The following RYR2 variants were observed in gnomAD, a reference collection of about 807,000 sequenced individuals.
The protein encoded by RYR2 is ryanodine receptor 2, also known as cardiac muscle ryanodine receptor-calcium release channel.
In RYR2, 227 loss-of-function variants were observed where a neutral mutation model predicts 601.1. The ratio of observed to expected loss-of-function variants is 0.38; its 90% CI spans 0.34 to 0.42. The LOEUF is 0.42. Among genes scored for constraint, RYR2 ranks in the 10% least tolerant of loss-of-function variants. The pLI is 1.00. For missense variants in RYR2, 4,646 were observed against 6,156.5 expected, an observed-to-expected ratio of 0.75 and a Z score of 8.21; for synonymous variants, 2,223 against 2,175.1, an observed-to-expected ratio of 1.02 and a Z score of -0.61.
intron 1 of RYR2, among the ~76,000 whole-genome samples, chr1:237,206,259 A>G (rs568377521): frequency 2.0e-5 from 3 of 152,242 alleles, no homozygotes; most frequent in South Asian, 2.1e-4. Context: ...CAGAGCATCT[A>G]CCTGTTTGAT....
rs1438011661 is a variant in RYR2 at position 237,268,951 on chromosome 1, A to AAAAAC, written c.49-1542_49-1541insCAAAA. Among the ~76,000 whole-genome samples, 111 of 80,708 alleles carry AAAAAC rather than the reference A, an allele frequency of 1.4e-3. 11 individuals are homozygous for AAAAAC. The highest frequency in any genetic ancestry group is 0.01 in the East Asian group (42 of 4,106). The allele number at this position is 80,708 out of a possible 152,430, so 52.9% of individuals were successfully genotyped here. A position where few individuals can be genotyped will look rare whatever the true frequency, so the allele number is the denominator to read the frequency against. ...CTCTTGTCTCAAAAAAAAAAAAAAA[A>AAAAAC]AAAAAAAAAAGGAAATAAAGGCAAA... On this transcript the variant is annotated intron_variant, in intron 1 of 104. Transcript: ENST00000366574.
At chr1:237,102,253 G>A (rs1018846340) in intron 1 of RYR2, among the ~76,000 whole-genome samples, 1 of 152,226 alleles carries the variant, frequency 6.6e-6, no homozygotes, top group African/African-American at 2.4e-5. Flanking sequence ...GAGTAGATCA[G>A]TCTGCCTGGA....
Position 237,593,458 on chromosome 1 carries a change from G to A in RYR2, c.4276-18G>A, listed in dbSNP as rs779166041. On this transcript the variant is annotated intron_variant, in intron 32 of 104. Coordinates refer to ENST00000366574, the MANE Select transcript of RYR2 (RefSeq NM_001035.3). ...TTTAGTTTTACTTTGCCAATATTTG[G>A]TTCTGCTATCTTCACAGTACTATTA... 5 of 1,579,716 alleles carry A rather than the reference G, an allele frequency of 3.2e-6. No individual in the cohort carries two copies. Among genetic ancestry groups the A allele is most frequent in the Non-Finnish European group, 4.3e-6 (5 of 1,162,490 alleles).
intron 104 of RYR2, among the ~76,000 whole-genome samples, chr1:237,831,994 GGATAC>G (rs1427426327): frequency 6.6e-6 from 1 of 152,038 alleles, no homozygotes; most frequent in African/African-American, 2.4e-5. Flanking sequence ...TGAATTTGAA[GGATAC>G]GATATTTTAA....
At chr1:237,617,257 A>G (rs771899047) in intron 37 of RYR2, 29 bp from the exon 38 acceptor site, 51 of 1,560,524 alleles carry the variant, frequency 3.3e-5, no homozygotes, top group Non-Finnish European at 4.4e-5. Flanking sequence ...TTAGAAATTA[A>G]ATTTGGTGTC....
chr1:237,427,881 G>T (rs1176263829), intron 12 of RYR2, among the ~76,000 whole-genome samples: 1 of 149,252 alleles, frequency 6.7e-6, no homozygotes, highest in Non-Finnish European at 1.5e-5. Context: ...GACAAAAAAG[G>T]ATATTGCATG....
At chr1:237,146,838 AG>A (rs200622081) in intron 1 of RYR2, among the ~76,000 whole-genome samples, 3 of 149,328 alleles carry the variant, frequency 2.0e-5, no homozygotes, top group East Asian at 3.9e-4. Flanking sequence ...TTTTTAAAAA[AG>A]AGATTATAGT....
chr1:237,394,136 A>G (rs960494942), intron 10 of RYR2, among the ~76,000 whole-genome samples: 1 of 152,220 alleles, frequency 6.6e-6, no homozygotes, highest in Non-Finnish European at 1.5e-5. Context: ...TATGTAAGCA[A>G]TATCTTTCAG....
At chr1:237,616,774 G>A (rs1678516779) in intron 37 of RYR2, among the ~76,000 whole-genome samples, 1 of 152,124 alleles carries the variant, frequency 6.6e-6, no homozygotes, top group South Asian at 2.1e-4. Flanking sequence ...ATTTATAAAG[G>A]GAAAAGGTTT....
intron 1 of RYR2, among the ~76,000 whole-genome samples, chr1:237,134,398 G>A (rs1399058933): frequency 1.3e-5 from 2 of 152,174 alleles, no homozygotes; most frequent in African/African-American, 4.8e-5. Flanking sequence ...GGCTGGGGAG[G>A]CCCCACAGTC....
At chr1:237,576,821 T>C (rs1456517134) in intron 29 of RYR2, among the ~76,000 whole-genome samples, 1 of 152,180 alleles carries the variant, frequency 6.6e-6, no homozygotes, top group Non-Finnish European at 1.5e-5. Context: ...GAACAGGTAT[T>C]TCATAGAAGC....
intron 10 of RYR2, among the ~76,000 whole-genome samples, chr1:237,398,332 C>T (rs545395684): frequency 2.0e-5 from 3 of 152,198 alleles, no homozygotes; most frequent in Admixed American, 2.0e-4. Context: ...GGTAAAAAGA[C>T]AAGCTACAGA....
At chr1:237,109,815 A>G (rs1048615066) in intron 1 of RYR2, among the ~76,000 whole-genome samples, 4 of 152,146 alleles carry the variant, frequency 2.6e-5, no homozygotes, top group Non-Finnish European at 4.4e-5. Flanking sequence ...TTTCCAAGGA[A>G]GATTACCTCT....
At chr1:237,562,624 A>G (rs541706979) in intron 27 of RYR2, among the ~76,000 whole-genome samples, 1 of 152,256 alleles carries the variant, frequency 6.6e-6, no homozygotes, top group South Asian at 2.1e-4. Flanking sequence ...ATACCAACAG[A>G]CTTGATAATG....
intron 1 of RYR2, among the ~76,000 whole-genome samples, chr1:237,045,856 G>T (rs1293680223): frequency 3.9e-5 from 5 of 127,992 alleles, no homozygotes; most frequent in African/African-American, 8.9e-5. Context: ...GGTATAAAAT[G>T]ACCTTGGTCA....
chr1:237,377,531 A>T, intron 8 of RYR2, 96 bp downstream of exon 8: 1 of 887,354 alleles, frequency 1.1e-6, no homozygotes, highest in African/African-American at 1.7e-5. Context: ...ATTATCTATG[A>T]AAATTGCTTA....
rs12040571 is a variant in RYR2, at chr1:237,706,404, C to A, written c.9581-545C>A. 0.57 allele frequency among the ~76,000 whole-genome samples: 86,796 copies of A among 151,980 alleles called. 26,147 individuals carry two copies. Among genetic ancestry groups the A allele is most frequent in the Middle Eastern group, 0.75 (220 of 294 alleles). On this transcript the variant is annotated intron_variant, in intron 67 of 104. Transcript: ENST00000366574. ...GTCCTGGGTATGAAATGCCACTGAA[C>A]GGTTGGAAAGATGAGTTGTAAAAGT... is the stretch of plus-strand genomic sequence containing the variant.
At chr1:237,189,893 G>C (rs1361814897) in intron 1 of RYR2, among the ~76,000 whole-genome samples, 1 of 145,804 alleles carries the variant, frequency 6.9e-6, no homozygotes, top group South Asian at 2.1e-4. Flanking sequence ...TTTTTTTTGA[G>C]ACAGAGTTTC....
chr1:237,725,567 A>G (rs1690125351), intron 74 of RYR2, among the ~76,000 whole-genome samples: 1 of 152,072 alleles, frequency 6.6e-6, no homozygotes, highest in Non-Finnish European at 1.5e-5. Flanking sequence ...GAATTTTCTA[A>G]TAATCAAATT....
Sources: gnomAD v4.1 joint callset for allele counts (sites outside exome capture counted in the v4.1 genomes callset) on GRCh38, gnomAD v4.1.1 for gene constraint, MANE v1.5 for transcripts, NCBI Gene and HGNC (gene_info 2026-07-23, HGNC 2026-07-21) for gene names.